The following SYCP1 variants were observed in gnomAD, a reference collection of about 807,000 sequenced individuals.
The protein encoded by SYCP1 is cancer/testis antigen 8.
SYCP1 carries 64 observed loss-of-function variants against 153.1 expected under a neutral mutation model. The ratio of observed to expected loss-of-function variants is 0.42; its 90% CI spans 0.34 to 0.51. The LOEUF (loss-of-function observed/expected upper bound fraction) is 0.51, where lower values mean the gene tolerates loss of function less well. Ranked by LOEUF, SYCP1 falls within the 20% of genes least tolerant of loss-of-function variation. The pLI is 0.06. For missense variants in SYCP1, 997 were observed against 1,049.0 expected (o/e 0.95, Z 0.68); for synonymous variants, 384 against 341.8 (o/e 1.12, Z -1.36).
chr1:114,940,676 C>T (rs996236704), intron 23 of SYCP1, among the ~76,000 whole-genome samples: 1 of 152,106 alleles, frequency 6.6e-6, no homozygotes, highest in African/African-American at 2.4e-5. Flanking sequence ...TGATATTTGC[C>T]TGATGGCCCA....
intron 23 of SYCP1, among the ~76,000 whole-genome samples, chr1:114,938,495 T>C (rs1467450739): frequency 2.0e-5 from 3 of 152,060 alleles, no homozygotes; most frequent in Non-Finnish European, 4.4e-5. Flanking sequence ...CATGTATATG[T>C]ATGTAACGAA....
In SYCP1 at chr1:114,984,414, T is replaced by C. The variant is rs115220608; in HGVS notation, c.2560-311T>C. Among the ~76,000 whole-genome samples, 771 of 152,154 alleles carry C rather than the reference T, an allele frequency of 5.1e-3. 4 individuals are homozygous for C. The highest frequency in any genetic ancestry group is 0.034 in the Middle Eastern group (10 of 294). On this transcript the variant is annotated intron_variant, in intron 29 of 31. Coordinates refer to ENST00000369522, the MANE Select transcript of SYCP1 (RefSeq NM_003176.4). ...ATTAGAAATATTAAGGCCCCTAAGA[T>C]TGTTGATTGCTGAATCTGGAGTGTG...
At chr1:114,873,113 T>A (rs1665269398) in intron 8 of SYCP1, among the ~76,000 whole-genome samples, 1 of 152,218 alleles carries the variant, frequency 6.6e-6, no homozygotes, top group Non-Finnish European at 1.5e-5. Context: ...TGTTCTAAAT[T>A]ACTGGTCTGG....
chr1:114,932,315 T>G (rs1283996275), intron 23 of SYCP1, among the ~76,000 whole-genome samples: 1 of 152,190 alleles, frequency 6.6e-6, no homozygotes, highest in Non-Finnish European at 1.5e-5. Flanking sequence ...ACAGATGACA[T>G]GTATCCAGAA....
At chr1:114,960,234 C>T (rs1246349012) in intron 27 of SYCP1, among the ~76,000 whole-genome samples, 2 of 121,004 alleles carry the variant, frequency 1.7e-5, no homozygotes, top group Non-Finnish European at 3.2e-5. Context: ...GTGGTGTGAT[C>T]TCGGCTCACT....
chr1:114,939,812 G>A (rs1003785774), intron 23 of SYCP1, among the ~76,000 whole-genome samples: 1 of 151,940 alleles, frequency 6.6e-6, no homozygotes, highest in African/African-American at 2.4e-5. Flanking sequence ...ACTCATCGAC[G>A]AAAGCTACTG....
chr1:114,992,938 C>T (rs1456579496), intron 30 of SYCP1, among the ~76,000 whole-genome samples: 1 of 151,076 alleles, frequency 6.6e-6, no homozygotes, highest in East Asian at 1.9e-4. Flanking sequence ...TTAATAACCA[C>T]AAAAAGTCCC....
intron 23 of SYCP1, among the ~76,000 whole-genome samples, chr1:114,936,687 T>C (rs1339799760): frequency 1.3e-5 from 2 of 152,194 alleles, no homozygotes; most frequent in Non-Finnish European, 2.9e-5. Context: ...CTTAAGCTGA[T>C]AAGCAACTTC....
At chr1:114,926,100 G>T (rs373673141) in intron 21 of SYCP1, among the ~76,000 whole-genome samples, 178 bp from the exon 22 acceptor site, 1 of 152,022 alleles carries the variant, frequency 6.6e-6, no homozygotes, top group African/African-American at 2.4e-5. Flanking sequence ...GATTGCATTT[G>T]TATTTAGATG....
At chr1:114,952,429 G>T (rs192851358) in intron 27 of SYCP1, among the ~76,000 whole-genome samples, 7 of 152,248 alleles carry the variant, frequency 4.6e-5, no homozygotes, top group African/African-American at 1.4e-4. Flanking sequence ...CTATTCTCAT[G>T]CTGCCAATAA....
intron 16 of SYCP1, among the ~76,000 whole-genome samples, chr1:114,902,335 T>C (rs1485693581): frequency 2.0e-5 from 3 of 152,210 alleles, no homozygotes; most frequent in Non-Finnish European, 2.9e-5. Context: ...TCAAGCCTTA[T>C]GTTTCTCAAA....
chr1:114,923,847 A>G (rs560432932), intron 21 of SYCP1, among the ~76,000 whole-genome samples: 1 of 152,308 alleles, frequency 6.6e-6, no homozygotes, highest in East Asian at 1.9e-4. Flanking sequence ...AAATTATTTA[A>G]TAAGTTTGTG....
rs1487912091 is a variant in SYCP1 at position 114,944,933 on chromosome 1, G to T, written c.2105G>T (p.Arg702Leu). Residue 702 changes from arginine to leucine, a missense_variant, in exon 25 of 32, where the codon CGA (arginine) becomes CTA (leucine). Transcript: ENST00000369522. ...AVKLQKEIDKRCQHKIAEMVA... is the reference protein window; with the variant it reads ...AVKLQKEIDKLCQHKIAEMVA... Reference sequence around the variant, plus strand: ...AAATTACAGAAAGAAATTGATAAGCGATGTCAACATAAAATAGCTGAAATG... The same window carrying T: ...AAATTACAGAAAGAAATTGATAAGCTATGTCAACATAAAATAGCTGAAATG... The T allele has an allele frequency of 1.2e-6, 2 of 1,604,644 alleles. No individual in the cohort carries two copies. The highest frequency in any genetic ancestry group is 1.7e-6 in the Non-Finnish European group (2 of 1,176,240).
intron 8 of SYCP1, among the ~76,000 whole-genome samples, chr1:114,862,551 TGTTGGCCAGGATG>T (rs1442309108): frequency 2.0e-5 from 3 of 152,022 alleles, no homozygotes; most frequent in Non-Finnish European, 4.4e-5. Context: ...GATTTTACCA[TGTTGGCCAGGATG>T]GTCTCGATCT....
At chr1:114,896,641 G>A (rs778875057) in intron 16 of SYCP1, among the ~76,000 whole-genome samples, 6 of 152,330 alleles carry the variant, frequency 3.9e-5, no homozygotes, top group Admixed American at 1.3e-4. Context: ...ATAAGGGTTA[G>A]GAGCCTTTGT....
intron 12 of SYCP1, among the ~76,000 whole-genome samples, chr1:114,882,668 C>T (rs1666035218): frequency 6.6e-6 from 1 of 151,754 alleles, no homozygotes; most frequent in Non-Finnish European, 1.5e-5. Flanking sequence ...ACTTTATGCT[C>T]ATTTTTTTTA....
rs1012071358 is a variant in SYCP1, at chr1:114,864,309, C to A, written c.598+3500C>A. ...AGACCTGAATAAGGGAGTGGGCCAT[C>A]TATTTTAGGAAAGAATATTTCAGGC... On this transcript the variant is annotated intron_variant, in intron 8 of 31. Coordinates refer to ENST00000369522, the MANE Select transcript of SYCP1 (RefSeq NM_003176.4). 5.3e-5 allele frequency among the ~76,000 whole-genome samples: 8 copies of A among 152,108 alleles called. No individual in the cohort carries two copies. In the South Asian group the frequency reaches 1.2e-3, roughly 24 times the overall value.
At chr1:114,949,555 G>T (rs1486905631) in intron 27 of SYCP1, among the ~76,000 whole-genome samples, 1 of 152,116 alleles carries the variant, frequency 6.6e-6, no homozygotes. Flanking sequence ...GCTTATTAAG[G>T]GAGACAGGAA....
At chr1:114,915,425 G>A (rs766046894) in intron 20 of SYCP1, among the ~76,000 whole-genome samples, 1 of 152,180 alleles carries the variant, frequency 6.6e-6, no homozygotes, top group Admixed American at 6.5e-5. Flanking sequence ...TTCTCTAAAA[G>A]CAAGGCTTTG....
Sources: gnomAD v4.1 joint callset for allele counts (sites outside exome capture counted in the v4.1 genomes callset) on GRCh38, gnomAD v4.1.1 for gene constraint, MANE v1.5 for transcripts, NCBI Gene and HGNC (gene_info 2026-07-23, HGNC 2026-07-21) for gene names.